The following CACNA2D1 variants were observed in gnomAD, a reference collection of about 807,000 sequenced individuals.
The protein encoded by CACNA2D1 is calcium voltage-gated channel auxiliary subunit alpha2delta 1, also known as voltage-dependent calcium channel subunit alpha-2/delta-1.
CACNA2D1 carries 53 observed loss-of-function variants against 171.5 expected under a neutral mutation model. The observed-to-expected ratio is 0.31, with a 90% CI of 0.25 to 0.39. CACNA2D1 has a LOEUF of 0.39. Among genes scored for constraint, CACNA2D1 ranks in the 10% least tolerant of loss-of-function variants. The probability of loss-of-function intolerance (pLI) is 1.00; values close to 1 mark genes in which losing one functional copy is unlikely to be tolerated. For synonymous variants in CACNA2D1, 442 were observed against 443.1 expected (o/e 1.00, Z 0.03); for missense variants, 903 against 1,299.8 (o/e 0.69, Z 4.69).
intron 3 of CACNA2D1, among the ~76,000 whole-genome samples, chr7:82,265,416 C>CTTTT (rs765047961): frequency 0.2 from 15,774 of 77,350 alleles, 1,330 homozygotes; most frequent in Non-Finnish European, 0.27. Flanking sequence ...TTTTTCCTTT[C>CTTTT]TTTTTTTTTT....
intron 2 of CACNA2D1, chr7:82,342,974 G>T (rs1326760594): frequency 6.6e-6 from 1 of 152,064 alleles, no homozygotes; most frequent in Non-Finnish European, 1.5e-5. Flanking sequence ...TAGTACATAG[G>T]AAGAATCTGA....
At chr7:82,190,509 T>C (rs1292912679) in intron 3 of CACNA2D1, among the ~76,000 whole-genome samples, 1 of 151,714 alleles carries the variant, frequency 6.6e-6, no homozygotes, top group Non-Finnish European at 1.5e-5. Context: ...ATATGAAACA[T>C]CACCATATAT....
chr7:81,954,906 A>G (rs1793042505), intron 38 of CACNA2D1, among the ~76,000 whole-genome samples: 1 of 152,054 alleles, frequency 6.6e-6, no homozygotes, highest in African/African-American at 2.4e-5. Flanking sequence ...GTTCTCCGAC[A>G]TGTCACCTTA....
rs188713750 is a variant in CACNA2D1 at position 82,049,159 on chromosome 7, C to A, written c.880-10924G>T. On this transcript the variant is annotated intron_variant, in intron 10 of 38. Transcript: ENST00000356860. ...AAAAAAAAAGAAAAATCCTAAATAA[C>A]CTTGGCGGCTTTGCCCTGCTATTAT... Among the ~76,000 whole-genome samples, 666 of 147,920 alleles carry A rather than the reference C, an allele frequency of 4.5e-3. 2 individuals carry two copies. Among genetic ancestry groups the A allele is most frequent in the Middle Eastern group, 0.011 (3 of 280 alleles).
intron 2 of CACNA2D1, among the ~76,000 whole-genome samples, chr7:82,338,659 T>A (rs1818273971): frequency 1.3e-5 from 2 of 151,798 alleles, no homozygotes; most frequent in Admixed American, 1.3e-4. Flanking sequence ...CTGGAGGGAG[T>A]CTGAATCACA....
chr7:82,100,747 T>C (rs1812580953), intron 6 of CACNA2D1, among the ~76,000 whole-genome samples: 1 of 152,114 alleles, frequency 6.6e-6, no homozygotes, highest in Non-Finnish European at 1.5e-5. Flanking sequence ...GAAATGGTAT[T>C]CTAAATATTT....
At chr7:82,315,572 A>T (rs201796488) in intron 3 of CACNA2D1, among the ~76,000 whole-genome samples, 1 of 152,164 alleles carries the variant, frequency 6.6e-6, no homozygotes, top group African/African-American at 2.4e-5. Flanking sequence ...ACAGCACTAA[A>T]AGAAAGTTGA....
At position 82,305,936 on chromosome 7, in the gene CACNA2D1, T is replaced by C. The variant is rs762431519; in HGVS notation, c.294+29199A>G. Reference sequence around the variant, plus strand: ...ATTTCTTACTAGTCAGATACCCAGGTGTCTATCTGTGGAATCCAATTGAGC... The same window carrying C: ...ATTTCTTACTAGTCAGATACCCAGGCGTCTATCTGTGGAATCCAATTGAGC... On this transcript the variant is annotated intron_variant, in intron 3 of 38. Transcript: ENST00000356860. Among the ~76,000 whole-genome samples, 49 of 152,184 alleles carry C rather than the reference T, an allele frequency of 3.2e-4. 1 individual carries two copies. The highest frequency in any genetic ancestry group is 1.3e-4 in the Non-Finnish European group (9 of 68,032).
rs75441770 is a variant in CACNA2D1, at chr7:82,228,288, A to G, written c.295-57679T>C. ...AAAAAGTAAATTTTGCCAACAACCC[A>G]TAAACTTGGAAGAGGATCCCAAACC... is the stretch of plus-strand genomic sequence containing the variant. On this transcript the variant is annotated intron_variant, in intron 3 of 38. Transcript: ENST00000356860. Among the ~76,000 whole-genome samples the G allele has an allele frequency of 2.4e-4, 36 of 152,244 alleles. 2 individuals carry two copies. The East Asian group carries it at 5.8e-3, about 25-fold the overall frequency.
chr7:82,119,902 C>A (rs1460084329), intron 5 of CACNA2D1, among the ~76,000 whole-genome samples: 2 of 152,168 alleles, frequency 1.3e-5, no homozygotes, highest in African/African-American at 4.8e-5. Flanking sequence ...ACAGTCTTGG[C>A]TAGGTCCAGT....
At chr7:82,038,596 G>T (rs998319580) in intron 10 of CACNA2D1, among the ~76,000 whole-genome samples, 1 of 152,210 alleles carries the variant, frequency 6.6e-6, no homozygotes, top group African/African-American at 2.4e-5. Context: ...TGGGATGCTT[G>T]CCCTGGTTGT....
chr7:82,330,298 T>G (rs1489175650), intron 3 of CACNA2D1, among the ~76,000 whole-genome samples: 3 of 152,074 alleles, frequency 2.0e-5, no homozygotes, highest in Non-Finnish European at 4.4e-5. Context: ...TCAAAAATAT[T>G]ATAAAAGATA....
chr7:82,283,669 T>C (rs1207776424), intron 3 of CACNA2D1, among the ~76,000 whole-genome samples: 1 of 143,508 alleles, frequency 7.0e-6, no homozygotes, highest in Non-Finnish European at 1.6e-5. Flanking sequence ...AAAGAATCTC[T>C]ATTTTTTTTA....
chr7:82,167,776 T>C (rs1031775612), intron 4 of CACNA2D1, among the ~76,000 whole-genome samples: 1 of 152,056 alleles, frequency 6.6e-6, no homozygotes, highest in Non-Finnish European at 1.5e-5. Flanking sequence ...AACAGTCTCT[T>C]TTGATGTCAA....
intron 4 of CACNA2D1, among the ~76,000 whole-genome samples, chr7:82,164,294 G>A (rs1489093957): frequency 6.6e-6 from 1 of 151,936 alleles, no homozygotes; most frequent in African/African-American, 2.4e-5. Context: ...TAATGCATTA[G>A]CCACGGTTTT....
rs895021369 is a variant in CACNA2D1, at chr7:81,946,743, C to G, written c.*3649G>C. ...AACAAAAAAGACAGCTTTACTAGGT[C>G]ACATTATAAACTCAACTGGCATCTA... On this transcript the variant is annotated 3_prime_UTR_variant, in exon 39 of 39. Coordinates refer to ENST00000356860, the MANE Select transcript of CACNA2D1 (RefSeq NM_000722.4). 15 of 150,364 alleles carry G rather than the reference C, an allele frequency of 1.0e-4. No individual in the cohort carries two copies. Among genetic ancestry groups the G allele is most frequent in the Admixed American group, 7.3e-4 (11 of 15,122 alleles). 9.3% of individuals were successfully genotyped at this position (150,364 alleles called of 1,614,324 possible). A position where few individuals can be genotyped will look rare whatever the true frequency, so the allele number is the denominator to read the frequency against.
chr7:82,280,573 A>G (rs1809962930), intron 3 of CACNA2D1, among the ~76,000 whole-genome samples: 1 of 152,214 alleles, frequency 6.6e-6, no homozygotes, highest in South Asian at 2.1e-4. Context: ...CATTTTTTAA[A>G]TTTAGAAACC....
chr7:82,362,451 G>A (rs968997031), intron 1 of CACNA2D1, among the ~76,000 whole-genome samples: 10 of 152,138 alleles, frequency 6.6e-5, no homozygotes, highest in African/African-American at 1.9e-4. Flanking sequence ...TTCTGTAGAA[G>A]AGAGGCTGAA....
intron 5 of CACNA2D1, among the ~76,000 whole-genome samples, chr7:82,119,739 T>A (rs1789495383): frequency 6.6e-6 from 1 of 152,234 alleles, no homozygotes; most frequent in Admixed American, 6.5e-5. Flanking sequence ...GCAATCATAC[T>A]ATGGCTACGT....
Sources: allele counts gnomAD v4.1 joint callset (sites outside exome capture counted in the v4.1 genomes callset), GRCh38; gene constraint gnomAD v4.1.1; transcripts MANE v1.5; gene names NCBI Gene and HGNC (gene_info 2026-07-23, HGNC 2026-07-21).